The following CATSPERB variants were observed in gnomAD, a reference collection of about 807,000 sequenced individuals.
CATSPERB encodes catsper channel auxiliary subunit beta.
A neutral mutation model predicts 128.3 loss-of-function variants in CATSPERB; 93 were observed. The ratio of observed to expected loss-of-function variants is 0.72; its 90% CI spans 0.61 to 0.86. The LOEUF (loss-of-function observed/expected upper bound fraction) is 0.86. Among genes scored for constraint, CATSPERB ranks in the 40% least tolerant of loss-of-function variants. The pLI is 0.00. For missense variants in CATSPERB, 1,153 were observed against 1,329.5 expected (o/e 0.87, Z 2.06); for synonymous variants, 381 against 448.8 (o/e 0.85, Z 1.91).
In CATSPERB at chr14:91,713,318, A is replaced by G. The variant is rs187869735; in HGVS notation, c.371-5082T>C. Among the ~76,000 whole-genome samples, 9 of 152,222 alleles carry G rather than the reference A, an allele frequency of 5.9e-5. No homozygotes were observed. In the East Asian group the frequency reaches 1.2e-3, roughly 20 times the overall value. On this transcript the variant is annotated intron_variant, in intron 5 of 26. Coordinates refer to ENST00000256343, the MANE Select transcript of CATSPERB (RefSeq NM_024764.4). ...AAAGAAGCAAATTAAACCCAGTGCA[A>G]GTAGAAGGATAAGATAAAGAGTGAC...
chr14:91,625,365 T>C (rs1298280796), intron 17 of CATSPERB, among the ~76,000 whole-genome samples: 1 of 152,152 alleles, frequency 6.6e-6, no homozygotes, highest in Non-Finnish European at 1.5e-5. Flanking sequence ...TGATTCCATG[T>C]CTATTATTAT....
At chr14:91,630,216 T>C (rs762557549) in intron 17 of CATSPERB, among the ~76,000 whole-genome samples, 1 of 152,216 alleles carries the variant, frequency 6.6e-6, no homozygotes, top group Non-Finnish European at 1.5e-5. Context: ...CATTTTCCTG[T>C]GTTTTTTCTA....
At chr14:91,598,594 C>T (rs1175570473) in intron 22 of CATSPERB, among the ~76,000 whole-genome samples, 2 of 152,110 alleles carry the variant, frequency 1.3e-5, no homozygotes, top group Admixed American at 6.5e-5. Context: ...CGTGGTGGCT[C>T]ACACCTGTAA....
intron 13 of CATSPERB, among the ~76,000 whole-genome samples, chr14:91,670,636 C>T (rs911614029): frequency 1.3e-5 from 2 of 151,950 alleles, no homozygotes; most frequent in Admixed American, 6.5e-5. Context: ...ACTATGATCA[C>T]ACCACTGCAC....
At chr14:91,725,298 T>C (rs1488181583) in intron 2 of CATSPERB, 130 bp from the exon 3 acceptor site, 1 of 442,452 alleles carries the variant, frequency 2.3e-6, no homozygotes, top group Non-Finnish European at 3.9e-6. Flanking sequence ...AAATTCACTT[T>C]AGGTAAAATT....
At chr14:91,712,658 G>A (rs933345373) in intron 5 of CATSPERB, among the ~76,000 whole-genome samples, 19 of 152,060 alleles carry the variant, frequency 1.2e-4, no homozygotes, top group African/African-American at 4.6e-4. Context: ...ATAATAATTT[G>A]TAAGTATTCA....
intron 26 of CATSPERB, among the ~76,000 whole-genome samples, chr14:91,586,571 A>AGAGAG (rs374162982): frequency 2.0e-4 from 23 of 114,242 alleles, no homozygotes; most frequent in South Asian, 6.4e-4. Context: ...GAGAGAGAGA[A>AGAGAG]AGAGAGAGAG....
At chr14:91,678,190 C>T (rs1895222851) in intron 11 of CATSPERB, among the ~76,000 whole-genome samples, 1 of 152,124 alleles carries the variant, frequency 6.6e-6, no homozygotes, top group East Asian at 1.9e-4. Flanking sequence ...ACATATATAC[C>T]TATGTAACGA....
chr14:91,668,955 G>A (rs1895038581), intron 14 of CATSPERB, among the ~76,000 whole-genome samples: 1 of 152,202 alleles, frequency 6.6e-6, no homozygotes, highest in Admixed American at 6.5e-5. Context: ...CCCACCGGAA[G>A]GAACCAATTC....
Position 91,636,526 on chromosome 14 carries a change from A to T in CATSPERB, c.1641T>A (p.Asp547Glu), listed in dbSNP as rs1450162315. Residue 547 changes from aspartate (D) to glutamate (E), a missense_variant, in exon 17 of 27, where the codon GAT becomes GAA. Physicochemically the swap from Asp to Glu is conservative, Grantham distance 45. Coordinates refer to ENST00000256343, the MANE Select transcript of CATSPERB (RefSeq NM_024764.4). Reference sequence around the variant, plus strand: ...GTACATATGCAAAAAAGATAATTTCATCTAAGGAGGTGTGCTGTGGGGCAA... The same window carrying T: ...GTACATATGCAAAAAAGATAATTTCTTCTAAGGAGGTGTGCTGTGGGGCAA... The part of the protein sequence containing the change: ...TALAPQHTSL[D>E]EIIFFAYVPE... 2.5e-6 allele frequency: 4 copies of T among 1,613,998 alleles called. No homozygotes were observed. Among genetic ancestry groups the T allele is most frequent in the Admixed American group, 3.3e-5 (2 of 59,984 alleles).
At chr14:91,600,264 C>T (rs1421357167) in intron 22 of CATSPERB, among the ~76,000 whole-genome samples, 1 of 152,112 alleles carries the variant, frequency 6.6e-6, no homozygotes, top group Non-Finnish European at 1.5e-5. Context: ...TCCACATTCT[C>T]GCCAACAATT....
intron 15 of CATSPERB, among the ~76,000 whole-genome samples, chr14:91,640,292 G>C (rs1274964975): frequency 1.3e-5 from 2 of 148,930 alleles, no homozygotes; most frequent in Admixed American, 6.7e-5. Context: ...TGTGCACATT[G>C]TGCAGGTTAG....
intron 21 of CATSPERB, among the ~76,000 whole-genome samples, chr14:91,609,722 T>C (rs566801443): frequency 6.6e-6 from 1 of 152,332 alleles, no homozygotes; most frequent in Non-Finnish European, 1.5e-5. Context: ...TTTAGATATT[T>C]CTTTTTAAAA....
chr14:91,682,584 C>G (rs188410256), intron 11 of CATSPERB, among the ~76,000 whole-genome samples: 138 of 152,342 alleles, frequency 9.1e-4, no homozygotes, highest in African/African-American at 3.0e-3. Flanking sequence ...TTGGCCCTTC[C>G]TATCCTTTGA....
At chr14:91,637,806 T>A (rs1180607345) in intron 16 of CATSPERB, among the ~76,000 whole-genome samples, 1 of 151,590 alleles carries the variant, frequency 6.6e-6, no homozygotes, top group Non-Finnish European at 1.5e-5. Flanking sequence ...TTTTTTTTTC[T>A]TTTAATAATT....
At chr14:91,649,812 CTT>C (rs969499585) in intron 15 of CATSPERB, among the ~76,000 whole-genome samples, 4 of 151,740 alleles carry the variant, frequency 2.6e-5, no homozygotes, top group Non-Finnish European at 5.9e-5. Context: ...TGTTATTCCT[CTT>C]GTCTTTTAAA....
chr14:91,622,653 A>G (rs913246505), intron 18 of CATSPERB, among the ~76,000 whole-genome samples: 6 of 152,174 alleles, frequency 3.9e-5, no homozygotes, highest in Admixed American at 2.6e-4. Flanking sequence ...GGGCTTCATC[A>G]TTGCCTTAAT....
intron 9 of CATSPERB, among the ~76,000 whole-genome samples, chr14:91,691,961 G>A (rs1895479219): frequency 6.6e-6 from 1 of 152,126 alleles, no homozygotes; most frequent in African/African-American, 2.4e-5. Flanking sequence ...GGCGGATCAC[G>A]AGGTCAGGAG....
chr14:91,649,329 A>ATGTG (rs1399620346), intron 15 of CATSPERB, among the ~76,000 whole-genome samples: 1 of 42,382 alleles, frequency 2.4e-5, no homozygotes, highest in African/African-American at 1.1e-4. Flanking sequence ...ATGTATACAT[A>ATGTG]TATGTGTGTG....
Sources: allele counts gnomAD v4.1 joint callset (sites outside exome capture counted in the v4.1 genomes callset), GRCh38; gene constraint gnomAD v4.1.1; transcripts MANE v1.5; gene names NCBI Gene and HGNC (gene_info 2026-07-23, HGNC 2026-07-21).